The following ELMO1 variants were observed in gnomAD, a reference collection of about 807,000 sequenced individuals.
ELMO1 encodes engulfment and cell motility protein 1.
A neutral mutation model predicts 98.9 loss-of-function variants in ELMO1; 26 were observed. The ratio of observed to expected loss-of-function variants is 0.26; its 90% CI spans 0.19 to 0.36. ELMO1 has a LOEUF of 0.36. ELMO1 is among the 10% of genes least tolerant of loss of function. The pLI is 1.00. For synonymous variants in ELMO1, 346 were observed against 346.0 expected, an observed-to-expected ratio of 1.00 and a Z score of 0.00; for missense variants, 627 against 935.2, an observed-to-expected ratio of 0.67 and a Z score of 4.30.
intron 4 of ELMO1, among the ~76,000 whole-genome samples, chr7:37,280,717 A>G (rs1355439174): frequency 6.6e-6 from 1 of 152,116 alleles, no homozygotes; most frequent in Non-Finnish European, 1.5e-5. Context: ...ATTGGCATGG[A>G]TGTGGTAAAC....
chr7:37,316,079 T>C, intron 2 of ELMO1, 119 bp from the exon 3 acceptor site: 2 of 831,404 alleles, frequency 2.4e-6, no homozygotes, highest in Non-Finnish European at 3.8e-6. Flanking sequence ...TTGCTATTCT[T>C]AGTTGTTGTC....
intron 18 of ELMO1, among the ~76,000 whole-genome samples, chr7:36,880,884 T>G (rs1804398051): frequency 6.6e-6 from 1 of 152,206 alleles, no homozygotes. Flanking sequence ...TGATGTTTGT[T>G]TAAAGAAAAC....
chr7:37,205,289 A>T (rs1792551230), intron 13 of ELMO1, among the ~76,000 whole-genome samples: 1 of 152,200 alleles, frequency 6.6e-6, no homozygotes, highest in Non-Finnish European at 1.5e-5. Context: ...TGCTCCTAGG[A>T]ACAATATTAA....
At chr7:37,106,942 C>T (rs1342132665) in intron 14 of ELMO1, among the ~76,000 whole-genome samples, 1 of 152,138 alleles carries the variant, frequency 6.6e-6, no homozygotes, top group Non-Finnish European at 1.5e-5. Flanking sequence ...TGAGGTCCCA[C>T]ATTTCTAAGC....
At chr7:37,176,796 C>T (rs1790520981) in intron 13 of ELMO1, among the ~76,000 whole-genome samples, 1 of 152,144 alleles carries the variant, frequency 6.6e-6, no homozygotes, top group South Asian at 2.1e-4. Flanking sequence ...TACTTTTATG[C>T]TGATATTGGT....
intron 4 of ELMO1, among the ~76,000 whole-genome samples, chr7:37,284,947 G>A (rs2130920710): frequency 6.6e-6 from 1 of 152,304 alleles, no homozygotes; most frequent in South Asian, 2.1e-4. Context: ...CATTCCCTTT[G>A]GGATCCACCA....
chr7:37,127,513 C>G (rs1000769199), intron 14 of ELMO1, among the ~76,000 whole-genome samples: 1 of 152,168 alleles, frequency 6.6e-6, no homozygotes, highest in Non-Finnish European at 1.5e-5. Flanking sequence ...CTCTCTAAGT[C>G]CCAGCTCCTG....
chr7:37,246,797 C>CAGAT (rs113340207), intron 6 of ELMO1, among the ~76,000 whole-genome samples: 1 of 147,192 alleles, frequency 6.8e-6, no homozygotes, highest in Non-Finnish European at 1.5e-5. Context: ...GATAAACAGA[C>CAGAT]AGATAGATAG....
At chr7:37,346,924 A>G (rs146004314) in intron 1 of ELMO1, among the ~76,000 whole-genome samples, 12 of 152,340 alleles carry the variant, frequency 7.9e-5, no homozygotes, top group African/African-American at 2.9e-4. Context: ...TGAGAATACA[A>G]TAACGTGGCT....
intron 6 of ELMO1, among the ~76,000 whole-genome samples, chr7:37,258,449 A>G (rs560981577): frequency 2.2e-5 from 3 of 134,750 alleles, no homozygotes; most frequent in South Asian, 4.6e-4. Flanking sequence ...ATAAAAAAAA[A>G]TAAGAGAGAG....
intron 4 of ELMO1, among the ~76,000 whole-genome samples, chr7:37,313,549 A>G (rs1300210294): frequency 2.0e-5 from 3 of 152,148 alleles, no homozygotes; most frequent in African/African-American, 4.8e-5. Flanking sequence ...GTAACAATCA[A>G]TGTTACAAAG....
intron 4 of ELMO1, among the ~76,000 whole-genome samples, chr7:37,283,005 A>G (rs1240245851): frequency 6.6e-6 from 1 of 152,244 alleles, no homozygotes; most frequent in Non-Finnish European, 1.5e-5. Context: ...TGTGGTCTAT[A>G]AACACAGAAC....
At chr7:37,335,291 C>G (rs553115749) in intron 2 of ELMO1, among the ~76,000 whole-genome samples, 61 of 152,228 alleles carry the variant, frequency 4.0e-4, no homozygotes, top group African/African-American at 1.3e-3. Context: ...CAGTAGAGAG[C>G]TGGGAGAAGG....
chr7:36,939,932 A>G (rs2129093717), intron 16 of ELMO1, among the ~76,000 whole-genome samples: 1 of 152,396 alleles, frequency 6.6e-6, no homozygotes, highest in East Asian at 1.9e-4. Context: ...GAATGAATTC[A>G]TAACACACAC....
rs550820813 is a variant in ELMO1, at chr7:36,947,518, C to T, written c.1438-52501G>A. On this transcript the variant is annotated intron_variant, in intron 16 of 21. Transcript: ENST00000310758. The stretch of plus-strand genomic sequence containing the variant: ...ACCACATTCCCAATCTGGGCCATGA[C>T]GTTGATCAGGTGTTTATCTCCTGCT... Among the ~76,000 whole-genome samples the T allele has an allele frequency of 3.0e-4, 45 of 152,294 alleles. 1 individual carries two copies. The highest frequency in any genetic ancestry group is 1.1e-3 in the African/African-American group (44 of 41,574).
At chr7:36,997,855 A>T (rs116040529) in intron 16 of ELMO1, 2 of 152,586 alleles carry the variant, frequency 1.3e-5, no homozygotes, top group Admixed American at 6.5e-5. Context: ...AACACAAGTC[A>T]ATGCCTCAGA....
chr7:36,938,966 T>C (rs1446604336), intron 16 of ELMO1, among the ~76,000 whole-genome samples: 2 of 152,082 alleles, frequency 1.3e-5, no homozygotes, highest in African/African-American at 4.8e-5. Flanking sequence ...AGTTCCAGGC[T>C]GCAGTGAGCT....
At chr7:37,064,074 G>A (rs914113172) in intron 15 of ELMO1, among the ~76,000 whole-genome samples, 1 of 152,092 alleles carries the variant, frequency 6.6e-6, no homozygotes, top group Admixed American at 6.5e-5. Context: ...GGGCCTACAT[G>A]GAGCAGCTGA....
At chr7:36,889,565 T>C (rs1431315963) in intron 17 of ELMO1, among the ~76,000 whole-genome samples, 1 of 152,222 alleles carries the variant, frequency 6.6e-6, no homozygotes, top group African/African-American at 2.4e-5. Context: ...ATTCTTAGGT[T>C]ATAGATATAT....
Sources: allele counts gnomAD v4.1 joint callset (sites outside exome capture counted in the v4.1 genomes callset), GRCh38; gene constraint gnomAD v4.1.1; transcripts MANE v1.5; gene names NCBI Gene and HGNC (gene_info 2026-07-23, HGNC 2026-07-21).